EEFSEC: variants seen among roughly 807,000 people sequenced by gnomAD.
EEFSEC encodes eukaryotic elongation factor, selenocysteine-tRNA specific, also known as selenocysteine-specific elongation factor.
Under a neutral mutation model 42.1 loss-of-function variants are expected in EEFSEC, and 43 were observed. The observed-to-expected ratio is 1.02, with a 90% confidence interval of 0.80 to 1.32. The LOEUF (loss-of-function observed/expected upper bound fraction) is 1.32. EEFSEC is among the 40% of genes most tolerant of loss of function. EEFSEC has a pLI of 0.00. For synonymous variants in EEFSEC, 354 were observed against 339.1 expected, an observed-to-expected ratio of 1.04 and a Z score of -0.48; for missense variants, 745 against 803.6, an observed-to-expected ratio of 0.93 and a Z score of 0.88.
intron 6 of EEFSEC, among the ~76,000 whole-genome samples, chr3:128,389,819 G>T (rs2067886501): frequency 6.6e-6 from 1 of 152,262 alleles, no homozygotes; most frequent in Admixed American, 6.5e-5. Flanking sequence ...AATGGGCAGG[G>T]CAGGCCCCAG....
intron 1 of EEFSEC, among the ~76,000 whole-genome samples, chr3:128,164,658 T>C (rs1382327012): frequency 6.6e-6 from 1 of 151,934 alleles, no homozygotes; most frequent in Non-Finnish European, 1.5e-5. Flanking sequence ...TTTTAGAAGA[T>C]GGGAGGCATT....
At chr3:128,222,139 T>TGCC (rs2065867750) in intron 1 of EEFSEC, among the ~76,000 whole-genome samples, 1 of 150,020 alleles carries the variant, frequency 6.7e-6, no homozygotes, top group South Asian at 2.2e-4. Context: ...GTTCAAGCGA[T>TGCC]TCTCATGCCC....
At chr3:128,185,263 G>T (rs981111964) in intron 1 of EEFSEC, among the ~76,000 whole-genome samples, 29 of 152,042 alleles carry the variant, frequency 1.9e-4, no homozygotes, top group Non-Finnish European at 1.5e-5. Context: ...TGTATGTACA[G>T]AATTATCTTT....
intron 1 of EEFSEC, among the ~76,000 whole-genome samples, chr3:128,169,477 C>T (rs926442391): frequency 3.3e-5 from 5 of 152,184 alleles, no homozygotes; most frequent in Non-Finnish European, 7.3e-5. Flanking sequence ...CACGGTGAGA[C>T]AGAAGAAGGC....
At chr3:128,261,944 T>C (rs369591318) in intron 2 of EEFSEC, among the ~76,000 whole-genome samples, 184 bp from the exon 3 acceptor site, 24 of 152,244 alleles carry the variant, frequency 1.6e-4, no homozygotes, top group South Asian at 6.2e-4. Flanking sequence ...ACGGGGAAAT[T>C]TGGGGCCTCC....
At chr3:128,380,168 C>G (rs1164867830) in intron 6 of EEFSEC, among the ~76,000 whole-genome samples, 4 of 152,184 alleles carry the variant, frequency 2.6e-5, no homozygotes, top group Non-Finnish European at 5.9e-5. Context: ...CTGAGGTGGG[C>G]ACCCCGATAC....
chr3:128,264,529 G>T (rs1186888370), intron 3 of EEFSEC, 88 bp from the exon 4 acceptor site: 10 of 1,464,598 alleles, frequency 6.8e-6, no homozygotes, highest in African/African-American at 1.4e-5. Flanking sequence ...TTGATGAACT[G>T]CTGGTCAGCC....
At chr3:128,164,066 C>G (rs1027429076) in intron 1 of EEFSEC, among the ~76,000 whole-genome samples, 4 of 152,208 alleles carry the variant, frequency 2.6e-5, no homozygotes, top group African/African-American at 9.7e-5. Context: ...GCTGCCTCCT[C>G]TTTCTGTGAT....
chr3:128,266,726 T>C (rs2811540), intron 4 of EEFSEC, among the ~76,000 whole-genome samples: 127,396 of 151,512 alleles, frequency 0.84, 54,023 homozygotes, highest in East Asian at 0.99. Flanking sequence ...GTCCCCTCCT[T>C]TACCTGCTGT....
chr3:128,297,365 T>C (rs1358495884), intron 4 of EEFSEC, among the ~76,000 whole-genome samples: 1 of 152,166 alleles, frequency 6.6e-6, no homozygotes, highest in Non-Finnish European at 1.5e-5. Flanking sequence ...TTTCTTTATT[T>C]GTGGATTGAG....
the EEFSEC span, among the ~76,000 whole-genome samples, chr3:128,422,119 G>C: frequency 2.6e-5 from 4 of 152,138 alleles, no homozygotes; most frequent in African/African-American, 9.7e-5. Context: ...CAGACCTACA[G>C]ATCTGCCTGT....
intron 4 of EEFSEC, among the ~76,000 whole-genome samples, chr3:128,286,252 G>A (rs886391001): frequency 1.3e-5 from 2 of 152,158 alleles, no homozygotes; most frequent in Non-Finnish European, 2.9e-5. Flanking sequence ...TGTGGCTCTG[G>A]CACACATACT....
intron 4 of EEFSEC, among the ~76,000 whole-genome samples, chr3:128,315,863 A>G (rs1391087281): frequency 6.6e-6 from 1 of 152,194 alleles, no homozygotes; most frequent in African/African-American, 2.4e-5. Flanking sequence ...GGAGATCACT[A>G]TGTTTAATTG....
chr3:128,326,156 C>T (rs924918637), intron 4 of EEFSEC, among the ~76,000 whole-genome samples: 23 of 152,342 alleles, frequency 1.5e-4, no homozygotes, highest in African/African-American at 5.3e-4. Context: ...GGAACAGATG[C>T]TTGCCCCCAG....
intron 1 of EEFSEC, among the ~76,000 whole-genome samples, chr3:128,167,996 T>C (rs565907228): frequency 6.6e-6 from 1 of 152,312 alleles, no homozygotes; most frequent in African/African-American, 2.4e-5. Context: ...CAGGGCTGCA[T>C]TGTCACCAGT....
chr3:128,424,788 G>A, the EEFSEC span, among the ~76,000 whole-genome samples: 1 of 152,034 alleles, frequency 6.6e-6, no homozygotes, highest in African/African-American at 2.4e-5. Context: ...AACTACTGAC[G>A]CACGCAACAA....
chr3:128,412,265 GC>G (rs368898755), downstream of EEFSEC, among the ~76,000 whole-genome samples: 1,567 of 152,358 alleles, frequency 0.01, 30 homozygotes, highest in African/African-American at 0.035. Flanking sequence ...GCATACCAGG[GC>G]CAGACCCCTG....
rs1276396990 is a variant in EEFSEC, at chr3:128,153,812, C to A, written c.305C>A (p.Thr102Asn). 1.3e-6 allele frequency: 2 copies of A among 1,514,006 alleles called. No homozygotes were observed. The highest frequency in any genetic ancestry group is 1.8e-6 in the Non-Finnish European group (2 of 1,137,200). 93.8% of individuals were successfully genotyped at this position (1,514,006 alleles called of 1,614,324 possible). ...CCCGGGCACGCCTCCCTCATCCGGACCATCATCGGCGGTGAGCGCGGGCCG... is the reference window on the plus strand; with the variant it reads ...CCCGGGCACGCCTCCCTCATCCGGAACATCATCGGCGGTGAGCGCGGGCCG... The part of the protein sequence containing the change: ...DCPGHASLIR[T>N]IIGGAQIIDL... Residue 102 changes from threonine to asparagine, a missense_variant, in exon 1 of 7, where the codon ACC (threonine) becomes AAC (asparagine). By Grantham distance (65) the Thr-to-Asn change is moderately conservative. Transcript: ENST00000254730.
intron 2 of EEFSEC, among the ~76,000 whole-genome samples, chr3:128,255,081 A>G (rs74348623): frequency 0.018 from 2,737 of 152,258 alleles, 87 homozygotes; most frequent in African/African-American, 0.062. Flanking sequence ...AGGCAGCCTG[A>G]TGGCAGATGG....
Sources: gnomAD v4.1 joint callset for allele counts (sites outside exome capture counted in the v4.1 genomes callset) on GRCh38, gnomAD v4.1.1 for gene constraint, MANE v1.5 for transcripts, NCBI Gene and HGNC (gene_info 2026-07-23, HGNC 2026-07-21) for gene names.